ABR: variants seen among roughly 807,000 people sequenced by gnomAD.
ABR encodes ABR activator of RhoGEF and GTPase, also known as active breakpoint cluster region-related protein.
In ABR, 35 loss-of-function variants were observed where a neutral mutation model predicts 107.2. That is an observed-to-expected ratio of 0.33 (90% CI 0.25 to 0.43). ABR has a LOEUF of 0.43. ABR is among the 20% of genes least tolerant of loss of function. The pLI is 1.00. For missense variants in ABR, 815 were observed against 1,115.2 expected (o/e 0.73, Z 3.83); for synonymous variants, 498 against 462.0 (o/e 1.08, Z -1.00).
At chr17:1,195,103 C>T (rs1237381220) in intron 1 of ABR, among the ~76,000 whole-genome samples, 2 of 141,910 alleles carry the variant, frequency 1.4e-5, no homozygotes, top group Non-Finnish European at 3.1e-5. Context: ...GTCAGGAGAT[C>T]GAGACCATCC....
At chr17:1,171,277 G>A (rs2041701715) in intron 1 of ABR, among the ~76,000 whole-genome samples, 1 of 152,134 alleles carries the variant, frequency 6.6e-6, no homozygotes, top group African/African-American at 2.4e-5. Context: ...ACCAGGAGCC[G>A]CTGCCCAGGA....
intron 1 of ABR, among the ~76,000 whole-genome samples, chr17:1,161,414 TA>T (rs993603753): frequency 4.6e-5 from 4 of 87,042 alleles, no homozygotes; most frequent in African/African-American, 2.2e-4. Flanking sequence ...GCTAATTTTT[TA>T]AAATTTTTTT....
chr17:1,169,676 G>A (rs1050588576), intron 1 of ABR, among the ~76,000 whole-genome samples: 6 of 152,180 alleles, frequency 3.9e-5, no homozygotes, highest in Admixed American at 2.0e-4. Flanking sequence ...CATGCTGCGC[G>A]CGGGAGAGTT....
upstream of ABR, among the ~76,000 whole-genome samples, chr17:1,188,353 A>G (rs2042358320): frequency 6.6e-6 from 1 of 152,134 alleles, no homozygotes; most frequent in Non-Finnish European, 1.5e-5. Flanking sequence ...ATTTGAGACC[A>G]TCCTGGCTAA....
chr17:1,012,289 C>T, intron 18 of ABR: 3 of 642,982 alleles, frequency 4.7e-6, no homozygotes, highest in South Asian at 4.5e-5. Flanking sequence ...GCCCAGCAGG[C>T]AGCCCACATG....
At chr17:1,057,184 A>G (rs2033376009) in intron 12 of ABR, 82 bp from the exon 13 acceptor site, 2 of 909,366 alleles carry the variant, frequency 2.2e-6, no homozygotes, top group South Asian at 2.8e-5. Flanking sequence ...CTGCTGCAGG[A>G]AGACGGCTTA....
chr17:1,011,776 CT>C lies in ABR; in HGVS notation c.2101+69del, dbSNP rs1350082905. 6.7e-7 allele frequency: 1 copy of C among 1,489,360 alleles called. No homozygotes were observed. 92.3% of individuals were successfully genotyped at this position (1,489,360 alleles called of 1,614,324 possible). A position where few individuals can be genotyped will look rare whatever the true frequency, so the allele number is the denominator to read the frequency against. On this transcript the variant is annotated intron_variant, in intron 19 of 22. Transcript: ENST00000302538. This position sits in a 1 kb window ranked among gnomAD's most constrained non-coding sequence, Gnocchi z 4.8. ...CAGGGAGGCTCCTGGTTCCCCCGAG[CT>C]CTCCTGTCCATCCCACCAGCCTGCT...
At chr17:1,076,714 C>CGGGGGGGGGGGGGGGGGGG (rs376868048) in intron 6 of ABR, among the ~76,000 whole-genome samples, 1 of 42,172 alleles carries the variant, frequency 2.4e-5, no homozygotes, top group African/African-American at 1.7e-4. Flanking sequence ...GGCAGGTGCA[C>CGGGGGGGGGGGGGGGGGGG]GGGGGGGGTG....
intron 1 of ABR, among the ~76,000 whole-genome samples, chr17:1,177,019 AT>A (rs1434789429): frequency 6.6e-6 from 1 of 152,122 alleles, no homozygotes; most frequent in Non-Finnish European, 1.5e-5. Context: ...AGTCATTCCC[AT>A]CTCTAAGTCA....
chr17:1,203,724 G>T (rs1468499700), intron 1 of ABR, among the ~76,000 whole-genome samples: 3 of 152,104 alleles, frequency 2.0e-5, no homozygotes, highest in Admixed American at 2.0e-4. Flanking sequence ...CGTGACTCGC[G>T]CAGGAAGGCG....
At chr17:1,096,798 G>A (rs1597792579) in intron 3 of ABR, among the ~76,000 whole-genome samples, 1 of 137,760 alleles carries the variant, frequency 7.3e-6, no homozygotes, top group South Asian at 2.5e-4. Flanking sequence ...GGAAGTGGGG[G>A]AACCTGCCCC....
At position 1,037,085 on chromosome 17, in the gene ABR, T is replaced by TTCCATCCA. The variant is rs1304338113; in HGVS notation, c.1791+12957_1791+12964dup. The stretch of plus-strand genomic sequence containing the variant: ...CATCCATCCACCCACCCACCCATCC[T>TTCCATCCA]TCCATCCATCCATCCATCCATCCAC... On this transcript the variant is annotated intron_variant, in intron 16 of 22. Coordinates refer to ENST00000302538, the MANE Select transcript of ABR (RefSeq NM_021962.5). This position sits in a 1 kb window ranked among gnomAD's most constrained non-coding sequence, Gnocchi z 4.6. 7.8e-6 allele frequency among the ~76,000 whole-genome samples: 1 copy of TTCCATCCA among 128,164 alleles called. No individual in the cohort carries two copies. The highest frequency in any genetic ancestry group is 1.6e-5 in the Non-Finnish European group (1 of 60,954). The allele number at this position is 128,164 out of a possible 152,430, so 84.1% of individuals were successfully genotyped here.
chr17:1,124,964 G>A (rs562445702), intron 2 of ABR, among the ~76,000 whole-genome samples: 53 of 152,270 alleles, frequency 3.5e-4, no homozygotes, highest in African/African-American at 1.2e-3. Flanking sequence ...TAGACGGGGA[G>A]AGACAGGGGC....
rs971699031 is a variant in ABR, at chr17:1,179,498, C to G, written c.61+169G>C. On this transcript the variant is annotated intron_variant, in intron 1 of 22. Transcript: ENST00000302538. The surrounding 1 kb of genome is among the most constrained non-coding windows in gnomAD (Gnocchi z 4.9). The stretch of plus-strand genomic sequence containing the variant: ...CCGACCCCGATCCCGATTCCCAACC[C>G]GACCCCGATCCGGACCCCGATCTCG... Among the ~76,000 whole-genome samples the G allele has an allele frequency of 9.2e-5, 14 of 151,858 alleles. No homozygotes were observed. The highest frequency in any genetic ancestry group is 3.4e-4 in the African/African-American group (14 of 41,450).
In ABR at chr17:1,176,441, A is replaced by G. The variant is rs576977695; in HGVS notation, c.61+3226T>C. ...TAGGGTACAACCTGAATTCCAGCTC[A>G]GCCATTTGTTACTTATGTGATCTTA... On this transcript the variant is annotated intron_variant, in intron 1 of 22. Transcript: ENST00000302538. Among the ~76,000 whole-genome samples the G allele has an allele frequency of 6.2e-4, 94 of 152,354 alleles. 1 individual carries two copies. Among genetic ancestry groups the G allele is most frequent in the African/African-American group, 2.1e-3 (89 of 41,594 alleles).
At chr17:1,167,305 C>T (rs1162628433) in intron 1 of ABR, among the ~76,000 whole-genome samples, 3 of 152,048 alleles carry the variant, frequency 2.0e-5, no homozygotes, top group Admixed American at 2.0e-4. Context: ...GATCCAGACA[C>T]CCAGAGCCCT....
At chr17:1,151,452 A>G (rs551098757) in intron 1 of ABR, among the ~76,000 whole-genome samples, 62 of 151,878 alleles carry the variant, frequency 4.1e-4, no homozygotes, top group Non-Finnish European at 5.0e-4. Context: ...GCCCTCCCCA[A>G]CTGCTTCCTG....
intron 6 of ABR, among the ~76,000 whole-genome samples, chr17:1,076,714 C>CA (rs1555564421): frequency 2.4e-5 from 1 of 42,140 alleles, no homozygotes. Flanking sequence ...GGCAGGTGCA[C>CA]GGGGGGGGTG....
rs2070432651 is a variant in ABR at position 1,010,449 on chromosome 17, T to G, written c.2236+280A>C. 1 of 459,020 alleles carries G rather than the reference T, an allele frequency of 2.2e-6. No homozygotes were observed. The highest frequency in any genetic ancestry group is 2.0e-5 in the African/African-American group (1 of 50,766). The allele number at this position is 459,020 out of a possible 1,614,324, so 28.4% of individuals were successfully genotyped here. ...CCTCAGGGCAGTCTTCCCTGGATGC[T>G]CGAGCTTCCAAGCAAGAGGCCAACG... On this transcript the variant is annotated intron_variant, in intron 20 of 22. Transcript: ENST00000302538. This position sits in a 1 kb window ranked among gnomAD's most constrained non-coding sequence, Gnocchi z 4.1.
Sources: allele counts gnomAD v4.1 joint callset (sites outside exome capture counted in the v4.1 genomes callset), GRCh38; gene constraint gnomAD v4.1.1; non-coding constraint Gnocchi (gnomAD v3.1); transcripts MANE v1.5; gene names NCBI Gene and HGNC (gene_info 2026-07-23, HGNC 2026-07-21).